The following NAT1 variants were observed in gnomAD, a reference collection of about 807,000 sequenced individuals.
NAT1 encodes the protein arylamine N-acetyltransferase 1.
For synonymous variants in NAT1, 144 were observed against 122.6 expected, an observed-to-expected ratio of 1.17 and a Z score of -1.16; for missense variants, 400 against 339.2, an observed-to-expected ratio of 1.18 and a Z score of -1.41.
At chr8:18,198,343 G>C (rs868777749) in intron 2 of NAT1, among the ~76,000 whole-genome samples, 7 of 152,146 alleles carry the variant, frequency 4.6e-5, no homozygotes, top group African/African-American at 1.4e-4. Flanking sequence ...TTGTCCCTCA[G>C]GGTAAGTCAC....
intron 1 of NAT1, among the ~76,000 whole-genome samples, chr8:18,213,155 A>G (rs1424809071): frequency 1.3e-5 from 2 of 148,792 alleles, no homozygotes. Context: ...CAAGTGATCC[A>G]CTCGCCTCGG....
At chr8:18,219,362 C>A in intron 1 of NAT1, 49 bp from the exon 2 acceptor site, 2 of 1,272,398 alleles carry the variant, frequency 1.6e-6, no homozygotes, top group East Asian at 2.5e-5. Flanking sequence ...ATTTTGTTTT[C>A]AAGGAAGTCA....
intron 1 of NAT1, chr8:18,216,878 C>T (rs371656667): frequency 3.0e-5 from 46 of 1,534,948 alleles, no homozygotes; most frequent in African/African-American, 2.8e-4. Flanking sequence ...CTTCAACAGA[C>T]GTGTACAGAA....
At chr8:18,178,207 A>AACCTC (rs1332477886) in intron 2 of NAT1, among the ~76,000 whole-genome samples, 14 of 152,116 alleles carry the variant, frequency 9.2e-5, no homozygotes, top group African/African-American at 3.1e-4. Flanking sequence ...TGTTTCTAGG[A>AACCTC]ACCTCTGTTT....
At chr8:18,204,146 T>C (rs1046994389) in intron 2 of NAT1, among the ~76,000 whole-genome samples, 3 of 151,530 alleles carry the variant, frequency 2.0e-5, no homozygotes, top group African/African-American at 7.3e-5. Context: ...GCTGCCTCCT[T>C]GACTTTTTGG....
intron 2 of NAT1, among the ~76,000 whole-genome samples, chr8:18,197,954 T>C (rs1803304606): frequency 6.6e-6 from 1 of 151,932 alleles, no homozygotes; most frequent in African/African-American, 2.4e-5. Flanking sequence ...ATCATTTATA[T>C]ATGTATGATG....
Position 18,193,872 on chromosome 8 carries a change from C to T in NAT1, n.93-15909C>T, listed in dbSNP as rs565364485. On this transcript the variant is annotated intron_variant and non_coding_transcript_variant, in intron 2 of 4. Transcript: ENST00000517441. ...GCCGAGCTGGTCTTGAACTCCTGAC[C>T]TCAGGTGATCCATCTGCCTCGGCCT... 3.3e-5 allele frequency among the ~76,000 whole-genome samples: 5 copies of T among 152,156 alleles called. No individual in the cohort carries two copies. In the East Asian group the frequency reaches 5.8e-4, roughly 18 times the overall value.
intron 2 of NAT1, among the ~76,000 whole-genome samples, chr8:18,220,137 A>T (rs8190834): frequency 0.018 from 2,758 of 152,294 alleles, 49 homozygotes; most frequent in Middle Eastern, 0.085. Flanking sequence ...GACTAAATAC[A>T]TCTTGTTCTC....
intron 2 of NAT1, among the ~76,000 whole-genome samples, chr8:18,193,776 G>C (rs1219804339): frequency 2.7e-5 from 4 of 150,938 alleles, no homozygotes; most frequent in Non-Finnish European, 4.4e-5. Flanking sequence ...TGAGTAGCTG[G>C]GATACAGGTG....
rs1486518987 is a variant in NAT1 at position 18,222,630 on chromosome 8, A to T, written c.583A>T (p.Lys195Ter). ...CCGAAAAATCTACTCCTTTACTCTT[A>T]AGCCTCGAACAATTGAAGATTTTGA... ...KYRKIYSFTL[K>*]PRTIEDFESM... The change falls in exon 3 of 3, where the codon AAG becomes TAG. Residue 195 changes from lysine to a stop codon, truncating the protein, a stop_gained. Transcript: ENST00000307719. LOFTEE classifies it low-confidence loss of function (END_TRUNC). 9 of 1,613,090 alleles carry T rather than the reference A, an allele frequency of 5.6e-6. No individual in the cohort carries two copies. The African/African-American group carries it at 1.2e-4, about 22-fold the overall frequency.
At chr8:18,196,003 G>A (rs916388768) in intron 2 of NAT1, among the ~76,000 whole-genome samples, 24 of 152,218 alleles carry the variant, frequency 1.6e-4, no homozygotes, top group African/African-American at 5.3e-4. Context: ...ACACAGAGGT[G>A]AAGTTTGTCT....
Position 18,222,606 on chromosome 8 carries a change from C to T in NAT1, c.559C>T (p.Arg187Ter), listed in dbSNP as rs5030839. The change falls in exon 3 of 3, where the codon CGA becomes TGA. Residue 187 changes from arginine to a stop codon, truncating the protein, a stop_gained. Transcript: ENST00000307719. LOFTEE classifies it low-confidence loss of function (END_TRUNC). ...HSDLLEDSKY[R>*]KIYSFTLKPR... ...TGATCTCCTAGAAGACAGCAAATAC[C>T]GAAAAATCTACTCCTTTACTCTTAA... 2.3e-3 allele frequency: 3,664 copies of T among 1,612,750 alleles called. 17 individuals are homozygous for T. The highest frequency in any genetic ancestry group is 0.01 in the Middle Eastern group (62 of 6,038).
intron 2 of NAT1, among the ~76,000 whole-genome samples, chr8:18,195,898 C>T (rs548182411): frequency 6.6e-6 from 1 of 151,700 alleles, no homozygotes; most frequent in South Asian, 2.1e-4. Context: ...AATACACACA[C>T]TCAGAAGTTC....
At chr8:18,218,447 A>C (rs1023122248) in intron 1 of NAT1, among the ~76,000 whole-genome samples, 6 of 152,104 alleles carry the variant, frequency 3.9e-5, no homozygotes, top group Admixed American at 2.6e-4. Flanking sequence ...ATGGAATTGT[A>C]AGGTATAGGT....
chr8:18,176,012 A>C (rs1417542514), intron 2 of NAT1, among the ~76,000 whole-genome samples: 3 of 152,068 alleles, frequency 2.0e-5, no homozygotes, highest in Non-Finnish European at 4.4e-5. Context: ...TGTTATTTTG[A>C]GAAATGCCTG....
intron 2 of NAT1, among the ~76,000 whole-genome samples, chr8:18,186,296 C>T (rs7831398): frequency 0.036 from 5,477 of 152,192 alleles, 310 homozygotes; most frequent in African/African-American, 0.12. Context: ...GATTGTACAT[C>T]TAGAATTTTA....
intron 2 of NAT1, among the ~76,000 whole-genome samples, chr8:18,180,183 C>A (rs893377539): frequency 1.4e-4 from 21 of 152,094 alleles, no homozygotes; most frequent in Admixed American, 4.6e-4. Context: ...GGTTCTGGAC[C>A]AAGCCTGGGT....
chr8:18,212,067 G>A (rs1289559844), intron 1 of NAT1, among the ~76,000 whole-genome samples: 1 of 152,092 alleles, frequency 6.6e-6, no homozygotes, highest in African/African-American at 2.4e-5. Context: ...TTTTTTAAGA[G>A]AAAGAATACA....
intron 1 of NAT1, among the ~76,000 whole-genome samples, chr8:18,215,554 C>T (rs1451247524): frequency 1.3e-5 from 2 of 152,020 alleles, no homozygotes; most frequent in Non-Finnish European, 2.9e-5. Context: ...ATTATTTTAT[C>T]ACTTTATTTT....
Sources: allele counts gnomAD v4.1 joint callset (sites outside exome capture counted in the v4.1 genomes callset), GRCh38; gene constraint gnomAD v4.1.1; transcripts MANE v1.5; gene names NCBI Gene and HGNC (gene_info 2026-07-23, HGNC 2026-07-21).